TRERF1: variants seen among roughly 807,000 people sequenced by gnomAD.
The protein encoded by TRERF1 is transcriptional regulating factor 1.
TRERF1 carries 27 observed loss-of-function variants against 122.9 expected under a neutral mutation model. That is an observed-to-expected ratio of 0.22 (90% CI 0.16 to 0.30). The LOEUF is 0.30. TRERF1 is among the 10% of genes least tolerant of loss of function. The pLI is 1.00. For missense variants in TRERF1, 1,248 were observed against 1,560.3 expected (o/e 0.80, Z 3.37); for synonymous variants, 636 against 641.7 (o/e 0.99, Z 0.13).
chr6:42,313,421 ATC>A (rs755692024), intron 3 of TRERF1, among the ~76,000 whole-genome samples: 15 of 151,856 alleles, frequency 9.9e-5, no homozygotes, highest in Non-Finnish European at 1.9e-4. Context: ...GCTAAGCCTC[ATC>A]TCTCTCTCTC....
intron 3 of TRERF1, among the ~76,000 whole-genome samples, chr6:42,339,832 G>C (rs260274): frequency 0.037 from 5,704 of 152,266 alleles, 267 homozygotes; most frequent in East Asian, 0.23. Flanking sequence ...CACTACCTGT[G>C]GCTGAGCCCT....
intron 4 of TRERF1, among the ~76,000 whole-genome samples, chr6:42,277,025 C>T (rs1781257953): frequency 6.6e-6 from 1 of 152,180 alleles, no homozygotes; most frequent in South Asian, 2.1e-4. Flanking sequence ...GCCATCTTTC[C>T]TCTGGGCTGG....
At chr6:42,384,810 GT>G (rs879832637) in intron 2 of TRERF1, among the ~76,000 whole-genome samples, 307 of 145,050 alleles carry the variant, frequency 2.1e-3, no homozygotes, top group Non-Finnish European at 3.0e-3. Flanking sequence ...TGTCTTTTGG[GT>G]TTTTTTTTTT....
chr6:42,290,571 C>G (rs917032975), intron 4 of TRERF1, among the ~76,000 whole-genome samples: 4 of 151,954 alleles, frequency 2.6e-5, no homozygotes, highest in Non-Finnish European at 5.9e-5. Context: ...ATTGACAACA[C>G]ACTCATCAAC....
chr6:42,361,908 G>A (rs879836753), intron 3 of TRERF1, among the ~76,000 whole-genome samples: 3 of 152,164 alleles, frequency 2.0e-5, no homozygotes, highest in Admixed American at 2.0e-4. Context: ...AGATCCAAGG[G>A]GTTCAATAAG....
chr6:42,364,082 C>A (rs1772273801), intron 2 of TRERF1, among the ~76,000 whole-genome samples: 1 of 152,246 alleles, frequency 6.6e-6, no homozygotes, highest in Admixed American at 6.5e-5. Context: ...TGGCCACAGT[C>A]CACATGACTT....
intron 3 of TRERF1, among the ~76,000 whole-genome samples, chr6:42,315,769 G>C (rs1401954107): frequency 7.0e-6 from 1 of 143,302 alleles, no homozygotes; most frequent in Non-Finnish European, 1.5e-5. Flanking sequence ...GCTGGAGAAC[G>C]CTGCAAGTCT....
chr6:42,417,182 C>A (rs1179926980), intron 2 of TRERF1, among the ~76,000 whole-genome samples: 2 of 152,146 alleles, frequency 1.3e-5, no homozygotes, highest in African/African-American at 4.8e-5. Flanking sequence ...CCTGCCCACC[C>A]CATCTCCAAT....
At chr6:42,403,611 T>C (rs1157143873) in intron 2 of TRERF1, among the ~76,000 whole-genome samples, 7 of 152,160 alleles carry the variant, frequency 4.6e-5, no homozygotes, top group Non-Finnish European at 1.0e-4. Context: ...GACATTTCTG[T>C]TGCTTTGAGT....
exon 18 of TRERF1, chr6:42,226,783 T>G (rs967093158): frequency 2.6e-5 from 4 of 152,238 alleles, no homozygotes; most frequent in Non-Finnish European, 5.9e-5. Context: ...CTCTCTCATG[T>G]CAAGCTATGA....
At chr6:42,253,691 G>A (rs897623872) in intron 13 of TRERF1, among the ~76,000 whole-genome samples, 5 of 152,210 alleles carry the variant, frequency 3.3e-5, no homozygotes, top group African/African-American at 1.2e-4. Flanking sequence ...GTGCTTGGAA[G>A]AGGGGCTTTG....
At chr6:42,351,313 T>C (rs1405509319) in intron 3 of TRERF1, among the ~76,000 whole-genome samples, 1 of 152,222 alleles carries the variant, frequency 6.6e-6, no homozygotes, top group Non-Finnish European at 1.5e-5. Context: ...CCAAGATTTA[T>C]GTGCAGAGAC....
intron 4 of TRERF1, among the ~76,000 whole-genome samples, chr6:42,277,931 AAGAAGAAG>A (rs1484772501): frequency 2.7e-5 from 4 of 148,548 alleles, no homozygotes; most frequent in African/African-American, 5.0e-5. Flanking sequence ...GAAGAAGAAG[AAGAAGAAG>A]AAGAAGAAGA....
chr6:42,241,956 G>A (rs376402482), intron 15 of TRERF1, among the ~76,000 whole-genome samples: 2 of 152,266 alleles, frequency 1.3e-5, no homozygotes, highest in Non-Finnish European at 2.9e-5. Context: ...TGAGTGGGGC[G>A]TTGTGGTGTG....
At chr6:42,306,445 T>C (rs960282467) in intron 3 of TRERF1, among the ~76,000 whole-genome samples, 2 of 152,192 alleles carry the variant, frequency 1.3e-5, no homozygotes, top group Non-Finnish European at 2.9e-5. Flanking sequence ...GTGTATCTGC[T>C]CATTCCAGAG....
chr6:42,408,227 A>G lies in TRERF1; in HGVS notation c.-454+42950T>C, dbSNP rs182388100. 5.2e-3 allele frequency among the ~76,000 whole-genome samples: 605 copies of G among 116,616 alleles called. 5 individuals are homozygous for G. Among genetic ancestry groups the G allele is most frequent in the Middle Eastern group, 0.026 (6 of 234 alleles). The allele number at this position is 116,616 out of a possible 152,430, so 76.5% of individuals were successfully genotyped here. ...TATAAATAAATATATATATATATAT[A>G]TGTGTGTGTGTATGTATATATACAT... is the stretch of plus-strand genomic sequence containing the variant. On this transcript the variant is annotated intron_variant, in intron 2 of 17. Transcript: ENST00000372922.
intron 4 of TRERF1, among the ~76,000 whole-genome samples, chr6:42,274,217 A>G (rs1780752584): frequency 6.6e-6 from 1 of 152,172 alleles, no homozygotes; most frequent in Admixed American, 6.5e-5. Context: ...TGTTTTAATG[A>G]GCCCTCTTGG....
chr6:42,370,736 T>C (rs1222639608), intron 2 of TRERF1, among the ~76,000 whole-genome samples: 1 of 152,122 alleles, frequency 6.6e-6, no homozygotes, highest in Admixed American at 6.5e-5. Flanking sequence ...TGACCCCAAG[T>C]CAACCCTTGG....
intron 4 of TRERF1, among the ~76,000 whole-genome samples, chr6:42,272,508 G>A (rs1277570785): frequency 6.6e-6 from 1 of 152,176 alleles, no homozygotes; most frequent in Non-Finnish European, 1.5e-5. Flanking sequence ...AGAATCTCAG[G>A]CTCCAGTTGA....
Sources: gnomAD v4.1 joint callset for allele counts (sites outside exome capture counted in the v4.1 genomes callset) on GRCh38, gnomAD v4.1.1 for gene constraint, MANE v1.5 for transcripts, NCBI Gene and HGNC (gene_info 2026-07-23, HGNC 2026-07-21) for gene names.